DOC2B: variants seen among roughly 807,000 people sequenced by gnomAD.
The protein encoded by DOC2B is double C2 domain beta.
DOC2B carries 21 observed loss-of-function variants against 28.9 expected under a neutral mutation model. The observed-to-expected ratio is 0.73, with a 90% CI of 0.52 to 1.05. The LOEUF (loss-of-function observed/expected upper bound fraction) is 1.05, where lower values mean the gene tolerates loss of function less well. Ranked by LOEUF, DOC2B falls within the 50% of genes least tolerant of loss-of-function variation. The pLI is 0.00. For missense variants in DOC2B, 384 were observed against 421.1 expected (o/e 0.91, Z 0.77); for synonymous variants, 194 against 178.1 (o/e 1.09, Z -0.71).
rs2040136224 is a variant in DOC2B at position 156,389 on chromosome 17, G to C, written c.766-12C>G. 2 of 1,550,928 alleles carry C rather than the reference G, an allele frequency of 1.3e-6. No homozygotes were observed. The highest frequency in any genetic ancestry group is 2.0e-5 in the Admixed American group (1 of 50,946). ...TCAGTCTTGTCCACCTGTTGGACGG[G>C]ACGGTCACTCAGTCCTCACCTGCTC... On this transcript the variant is annotated splice_polypyrimidine_tract_variant and intron_variant, in intron 5 of 8. Coordinates refer to ENST00000613549, the MANE Select transcript of DOC2B (RefSeq NM_003585.5).
chr17:166,317 C>A (rs1030620884), intron 2 of DOC2B, among the ~76,000 whole-genome samples: 2 of 152,260 alleles, frequency 1.3e-5, no homozygotes, highest in Admixed American at 1.3e-4. Context: ...GTGGGGCTGG[C>A]CTCCCACGGA....
rs151013995 is a variant in DOC2B at position 160,803 on chromosome 17, G to A, written c.765+612C>T. On this transcript the variant is annotated intron_variant, in intron 5 of 8. Transcript: ENST00000613549. ...GCTGGAGCAGGCCGAGGGCAAATCT[G>A]TTCTGACATAACGTTGAGACAAATG... 6.0e-4 allele frequency among the ~76,000 whole-genome samples: 91 copies of A among 152,232 alleles called. 1 individual carries two copies. Among genetic ancestry groups the A allele is most frequent in the African/African-American group, 2.1e-3 (87 of 41,512 alleles).
rs2040204381 is a variant in DOC2B at position 161,550 on chromosome 17, G to T, written c.639-9C>A. The T allele has an allele frequency of 1.3e-6, 2 of 1,551,592 alleles. No homozygotes were observed. The highest frequency in any genetic ancestry group is 4.9e-5 in the East Asian group (2 of 40,904). Reference sequence around the variant, plus strand: ...CGTCACACACAGAGATCCTAGAGGGGGCGGTGGTGAGGGGCACAGCCAGTG... The same window carrying T: ...CGTCACACACAGAGATCCTAGAGGGTGCGGTGGTGAGGGGCACAGCCAGTG... On this transcript the variant is annotated splice_polypyrimidine_tract_variant and intron_variant, in intron 4 of 8. Transcript: ENST00000613549.
rs2040214601 is a variant in DOC2B, at chr17:162,276, T to C, written c.529-86A>G. Reference sequence around the variant, plus strand: ...CCCAGAGATGGCCACGTGCTCATCTTGGAGCCTGTGAATGTGTTATCAACA... The same window carrying C: ...CCCAGAGATGGCCACGTGCTCATCTCGGAGCCTGTGAATGTGTTATCAACA... On this transcript the variant is annotated intron_variant, in intron 3 of 8. Coordinates refer to ENST00000613549, the MANE Select transcript of DOC2B (RefSeq NM_003585.5). 24 of 986,876 alleles carry C rather than the reference T, an allele frequency of 2.4e-5. No homozygotes were observed. The South Asian group carries it at 2.5e-4, about 10-fold the overall frequency. 61.1% of individuals were successfully genotyped at this position (986,876 alleles called of 1,614,324 possible). A position where few individuals can be genotyped will look rare whatever the true frequency, so the allele number is the denominator to read the frequency against.
At chr17:179,085 G>A (rs1341767220) in intron 1 of DOC2B, among the ~76,000 whole-genome samples, 3 of 152,242 alleles carry the variant, frequency 2.0e-5, no homozygotes, top group African/African-American at 7.2e-5. Context: ...GCCCAAGCTG[G>A]CCCTAGCTCA....
chr17:156,647 G>A (rs527451429), intron 5 of DOC2B, among the ~76,000 whole-genome samples: 4 of 152,374 alleles, frequency 2.6e-5, no homozygotes, highest in South Asian at 2.1e-4. Context: ...GCCAGCCCAG[G>A]GGTTGGCAAC....
chr17:169,260 A>G (rs562245363), intron 2 of DOC2B, among the ~76,000 whole-genome samples: 1 of 152,170 alleles, frequency 6.6e-6, no homozygotes, highest in Non-Finnish European at 1.5e-5. Flanking sequence ...ACTCAAAAGG[A>G]CAGATACCGG....
At chr17:152,435 G>A (rs1041120498) in intron 6 of DOC2B, among the ~76,000 whole-genome samples, 1 of 152,136 alleles carries the variant, frequency 6.6e-6, no homozygotes, top group Admixed American at 6.5e-5. Context: ...CCGGCCTGGG[G>A]AAACTGGGGC....
chr17:143,276 T>C lies in DOC2B; in HGVS notation c.*4165A>G, dbSNP rs1478212751. ...AAGAGTAACAAGACTATATCCGGAG[T>C]AGGTTTCAGTTGCCTTTTCCTCCGT... On this transcript the variant is annotated 3_prime_UTR_variant, in exon 9 of 9. Transcript: ENST00000613549. The C allele has an allele frequency of 6.6e-6, 1 of 151,714 alleles. No homozygotes were observed. Among genetic ancestry groups the C allele is most frequent in the Non-Finnish European group, 1.5e-5 (1 of 68,012 alleles). The allele number at this position is 151,714 out of a possible 1,614,324, so 9.4% of individuals were successfully genotyped here.
intron 3 of DOC2B, 68 bp from the exon 4 acceptor site, chr17:162,258 A>G: frequency 8.7e-7 from 1 of 1,153,768 alleles, no homozygotes; most frequent in Non-Finnish European, 1.3e-6. Context: ...GCCCCCAGAG[A>G]TGGCCACGTG....
Position 144,075 on chromosome 17 carries a change from GGGCGGGGC to G in DOC2B, c.*3358_*3365del, listed in dbSNP as rs2040002578. 9.6e-5 allele frequency: 1 copy of G among 10,398 alleles called. No homozygotes were observed. The highest frequency in any genetic ancestry group is 2.9e-4 in the Non-Finnish European group (1 of 3,434). 0.6% of individuals were successfully genotyped at this position (10,398 alleles called of 1,614,324 possible). A position where few individuals can be genotyped will look rare whatever the true frequency, so the allele number is the denominator to read the frequency against. ...CCCGTCGGGGATTGGCGCAGGCGGC[GGGCGGGGC>G]GGCGGGCGGGGCGGCGGGCGGGGCG... On this transcript the variant is annotated 3_prime_UTR_variant, in exon 9 of 9. Coordinates refer to ENST00000613549, the MANE Select transcript of DOC2B (RefSeq NM_003585.5).
At chr17:163,092 A>C (rs2040223432) in intron 3 of DOC2B, among the ~76,000 whole-genome samples, 1 of 152,096 alleles carries the variant, frequency 6.6e-6, no homozygotes, top group Non-Finnish European at 1.5e-5. Context: ...TGCTTTCAGG[A>C]GCTGTTTGTA....
chr17:168,735 A>G (rs139028334), intron 2 of DOC2B, among the ~76,000 whole-genome samples: 22 of 148,726 alleles, frequency 1.5e-4, no homozygotes, highest in Admixed American at 2.7e-4. Flanking sequence ...TAGTGAATAC[A>G]TCTCACGAGA....
At chr17:177,896 G>A (rs1194794507) in intron 1 of DOC2B, among the ~76,000 whole-genome samples, 1 of 152,266 alleles carries the variant, frequency 6.6e-6, no homozygotes, top group Admixed American at 6.5e-5. Context: ...CTCCAGACCT[G>A]CACAGGCATC....
chr17:155,310 G>A (rs911901146), intron 6 of DOC2B, among the ~76,000 whole-genome samples: 4 of 152,128 alleles, frequency 2.6e-5, no homozygotes, highest in Non-Finnish European at 5.9e-5. Context: ...TTTTTAAAGT[G>A]ACAGAAATAT....
At chr17:173,321 G>A (rs1292104185) in intron 1 of DOC2B, among the ~76,000 whole-genome samples, 1 of 152,166 alleles carries the variant, frequency 6.6e-6, no homozygotes, top group Non-Finnish European at 1.5e-5. Context: ...CCATGCAGAA[G>A]CGGCTCCCAG....
chr17:171,905 G>A (rs111379920), intron 2 of DOC2B, among the ~76,000 whole-genome samples: 4 of 96,674 alleles, frequency 4.1e-5, no homozygotes, highest in Admixed American at 1.0e-4. Context: ...ACCAGGGGCC[G>A]GGCCAGGCTG....
chr17:174,382 G>A (rs998182131), intron 1 of DOC2B, among the ~76,000 whole-genome samples: 2 of 152,178 alleles, frequency 1.3e-5, no homozygotes, highest in Admixed American at 6.5e-5. Flanking sequence ...TGTAGGAGGT[G>A]CTCAGTAGAT....
chr17:166,329 C>A (rs1320263275), intron 2 of DOC2B, among the ~76,000 whole-genome samples: 9 of 152,268 alleles, frequency 5.9e-5, no homozygotes, highest in Admixed American at 1.3e-4. Flanking sequence ...TCCCACGGAG[C>A]CTGACCTCTG....
Sources: allele counts gnomAD v4.1 joint callset (sites outside exome capture counted in the v4.1 genomes callset), GRCh38; gene constraint gnomAD v4.1.1; transcripts MANE v1.5; gene names NCBI Gene and HGNC (gene_info 2026-07-23, HGNC 2026-07-21).